Variants in RDX observed in about 807,000 individuals in gnomAD.
The protein encoded by RDX is radixin.
RDX carries 32 observed loss-of-function variants against 83.7 expected under a neutral mutation model. The ratio of observed to expected loss-of-function variants is 0.38; its 90% CI spans 0.29 to 0.51. The LOEUF is 0.51. Among genes scored for constraint, RDX ranks in the 20% least tolerant of loss-of-function variants. The pLI is 0.87. For missense variants in RDX, 600 were observed against 689.9 expected (o/e 0.87, Z 1.46); for synonymous variants, 229 against 222.7 (o/e 1.03, Z -0.25).
rs1591495941 is a variant in RDX at position 110,181,308 on chromosome 11, A to T, written c.*32-6074T>A. Among the ~76,000 whole-genome samples the T allele has an allele frequency of 2.6e-5, 4 of 151,776 alleles. No homozygotes were observed. The South Asian group carries it at 6.2e-4, about 24-fold the overall frequency. ...CTCCTGAGTAGCTGGGATTATAGGC[A>T]CCCGCCACCACGCCCAGCTGATTTT... On this transcript the variant is annotated intron_variant, in intron 15 of 15. Transcript: ENST00000528498.
At chr11:110,270,670 A>T (rs1305765041) in intron 3 of RDX, among the ~76,000 whole-genome samples, 1 of 152,238 alleles carries the variant, frequency 6.6e-6, no homozygotes, top group Admixed American at 6.5e-5. Context: ...AACAGCTGCA[A>T]CTACAACTAT....
chr11:110,245,902 T>C (rs138924495), intron 10 of RDX, among the ~76,000 whole-genome samples: 1 of 152,326 alleles, frequency 6.6e-6, no homozygotes, highest in African/African-American at 2.4e-5. Context: ...CACTTTGATA[T>C]TTGCTGGGAC....
At chr11:110,257,035 T>G (rs570735606) in intron 7 of RDX, among the ~76,000 whole-genome samples, 1 of 115,430 alleles carries the variant, frequency 8.7e-6, no homozygotes. Flanking sequence ...TCTAAGACAA[T>G]TGAGTTATTA....
At chr11:110,262,626 T>C (rs1859851518) in intron 5 of RDX, among the ~76,000 whole-genome samples, 1 of 152,100 alleles carries the variant, frequency 6.6e-6, no homozygotes, top group African/African-American at 2.4e-5. Context: ...ATATTTGATG[T>C]TCCATCTTCT....
At chr11:110,255,148 C>G (rs527801743) in intron 8 of RDX, 141 bp downstream of exon 8, 5 of 535,978 alleles carry the variant, frequency 9.3e-6, no homozygotes, top group Non-Finnish European at 1.7e-5. Context: ...ATTATTTCAT[C>G]ACTGGGAAAG....
Position 110,237,663 on chromosome 11 carries a change from T to A in RDX, c.1091-11A>T, listed in dbSNP as rs754477800. The A allele has an allele frequency of 6.2e-7, 1 of 1,613,526 alleles. No homozygotes were observed. Among genetic ancestry groups the A allele is most frequent in the African/African-American group, 1.3e-5 (1 of 74,944 alleles). On this transcript the variant is annotated splice_polypyrimidine_tract_variant and intron_variant, in intron 10 of 13. Transcript: ENST00000645495. ...TCTGTTCTTCTAGTTCTATGAAATA[T>A]GTGTATTCCCCCCAACAGTGATTAA...
chr11:110,257,564 T>G (rs1301585556), intron 7 of RDX, among the ~76,000 whole-genome samples: 1 of 152,074 alleles, frequency 6.6e-6, no homozygotes, highest in African/African-American at 2.4e-5. Context: ...ATAAATACAC[T>G]GAAAAGTAGA....
chr11:110,251,523 TAGAAG>T (rs1445780779), intron 9 of RDX, among the ~76,000 whole-genome samples: 1 of 152,180 alleles, frequency 6.6e-6, no homozygotes, highest in Non-Finnish European at 1.5e-5. Context: ...GATTGAGTGT[TAGAAG>T]AGGAGTCAAG....
intron 2 of RDX, among the ~76,000 whole-genome samples, chr11:110,274,791 T>G (rs1384664234): frequency 6.6e-6 from 1 of 152,240 alleles, no homozygotes; most frequent in African/African-American, 2.4e-5. Context: ...ACATTCTGCA[T>G]GTGGCCAAAC....
At chr11:110,272,391 T>G in intron 3 of RDX, 145 bp downstream of exon 3, 3 of 688,196 alleles carry the variant, frequency 4.4e-6, no homozygotes, top group Middle Eastern at 7.1e-4. Flanking sequence ...ACTGCTGTAG[T>G]AGGGATATCT....
chr11:110,212,515 G>A (rs199844824), intron 14 of RDX, among the ~76,000 whole-genome samples: 9,506 of 41,232 alleles, frequency 0.23, 755 homozygotes, highest in East Asian at 0.34. Flanking sequence ...TACCAAAGCC[G>A]GGCAGAGACA....
chr11:110,262,415 T>C (rs1315289382), intron 5 of RDX, among the ~76,000 whole-genome samples: 1 of 151,974 alleles, frequency 6.6e-6, no homozygotes, highest in Non-Finnish European at 1.5e-5. Flanking sequence ...TGAAACTCCA[T>C]CTCCACTAAA....
chr11:110,295,642 G>GAAA (rs370760081), intron 1 of RDX, among the ~76,000 whole-genome samples: 46,857 of 121,240 alleles, frequency 0.39, 8,695 homozygotes, highest in Non-Finnish European at 0.46. Flanking sequence ...TGTTTAAACT[G>GAAA]AAAAAAAAAA....
chr11:110,270,444 C>T (rs1860257765), intron 3 of RDX, among the ~76,000 whole-genome samples: 1 of 151,978 alleles, frequency 6.6e-6, no homozygotes, highest in Non-Finnish European at 1.5e-5. Context: ...CATAAGTGGC[C>T]CGTCACTGAT....
intron 5 of RDX, among the ~76,000 whole-genome samples, chr11:110,258,680 C>A (rs534924991): frequency 6.6e-6 from 1 of 152,026 alleles, no homozygotes; most frequent in South Asian, 2.1e-4. Flanking sequence ...AGACTGAAAA[C>A]CAGAATTCTT....
chr11:110,244,068 G>A (rs1417893138), intron 10 of RDX, among the ~76,000 whole-genome samples: 2 of 152,080 alleles, frequency 1.3e-5, no homozygotes, highest in Non-Finnish European at 1.5e-5. Context: ...GTTCATAACA[G>A]CATTAGTCAC....
intron 3 of RDX, among the ~76,000 whole-genome samples, chr11:110,270,805 T>C (rs905891465): frequency 5.9e-5 from 9 of 152,234 alleles, no homozygotes; most frequent in Admixed American, 5.2e-4. Context: ...CAAGTTTTAT[T>C]TCTCAGTATA....
chr11:110,240,568 C>G (rs1865047362), intron 10 of RDX, among the ~76,000 whole-genome samples: 1 of 148,802 alleles, frequency 6.7e-6, no homozygotes, highest in South Asian at 2.2e-4. Context: ...ACGGTGAAAC[C>G]CCGTCTCTAC....
chr11:110,228,414 C>T (rs192481086), downstream of RDX, among the ~76,000 whole-genome samples: 3 of 152,160 alleles, frequency 2.0e-5, no homozygotes. Flanking sequence ...AAGTTCTGTT[C>T]ATTTAGAACA....
Sources: gnomAD v4.1 joint callset for allele counts (sites outside exome capture counted in the v4.1 genomes callset) on GRCh38, gnomAD v4.1.1 for gene constraint, MANE v1.5 for transcripts, NCBI Gene and HGNC (gene_info 2026-07-23, HGNC 2026-07-21) for gene names.